Variants in ANKRD31 observed in about 807,000 individuals in gnomAD.
The protein encoded by ANKRD31 is ankyrin repeat domain-containing protein 31.
ANKRD31 carries 147 observed loss-of-function variants against 186.0 expected under a neutral mutation model. The observed-to-expected ratio is 0.79, with a 90% CI of 0.69 to 0.91. ANKRD31 has a LOEUF of 0.91. ANKRD31 is among the 40% of genes least tolerant of loss of function. The pLI, the probability that ANKRD31 is intolerant of heterozygous loss-of-function variation, is 0.00. For missense variants in ANKRD31, 1,986 were observed against 2,148.8 expected, an observed-to-expected ratio of 0.92 and a Z score of 1.50; for synonymous variants, 673 against 736.4, an observed-to-expected ratio of 0.91 and a Z score of 1.39.
At chr5:75,076,095 A>G (rs915427782) in intron 25 of ANKRD31, among the ~76,000 whole-genome samples, 1 of 152,134 alleles carries the variant, frequency 6.6e-6, no homozygotes, top group African/African-American at 2.4e-5. Flanking sequence ...TACTCATGAC[A>G]CTTTGACACC....
chr5:75,118,213 C>G lies in ANKRD31; in HGVS notation c.3961G>C (p.Glu1321Gln). 6.5e-7 allele frequency: 1 copy of G among 1,528,600 alleles called. No homozygotes were observed. The highest frequency in any genetic ancestry group is 8.7e-7 in the Non-Finnish European group (1 of 1,144,350). 94.7% of individuals were successfully genotyped at this position (1,528,600 alleles called of 1,614,324 possible). Reference sequence around the variant, plus strand: ...GATCTTAGTAATTCTTTCATTTTTTCATCATCTGCTTCATCCAAAGCACTC... The same window carrying G: ...GATCTTAGTAATTCTTTCATTTTTTGATCATCTGCTTCATCCAAAGCACTC... ...QKSALDEADD[E>Q]KMKELLRSYG... Residue 1321 changes from glutamate to glutamine, a missense_variant, in exon 18 of 26, where the codon GAA (glutamate) becomes CAA (glutamine). By Grantham distance (29) the Glu-to-Gln change is conservative. Transcript: ENST00000506364.
At chr5:75,113,690 A>G (rs1185464670) in intron 19 of ANKRD31, among the ~76,000 whole-genome samples, 7 of 152,240 alleles carry the variant, frequency 4.6e-5, no homozygotes, top group Non-Finnish European at 8.8e-5. Context: ...CCCATAAAAG[A>G]TATTTTAAAA....
At chr5:75,226,645 G>C (rs1317124640) in intron 2 of ANKRD31, among the ~76,000 whole-genome samples, 1 of 152,098 alleles carries the variant, frequency 6.6e-6, no homozygotes, top group Non-Finnish European at 1.5e-5. Context: ...ACATACAAAT[G>C]GCAAACAGAT....
intron 17 of ANKRD31, among the ~76,000 whole-genome samples, chr5:75,124,955 C>G (rs1266706309): frequency 6.6e-6 from 1 of 152,102 alleles, no homozygotes; most frequent in African/African-American, 2.4e-5. Flanking sequence ...CATTTGTACC[C>G]TTTAAATTTA....
intron 1 of ANKRD31, among the ~76,000 whole-genome samples, chr5:75,231,439 G>A (rs750847980): frequency 6.6e-6 from 1 of 152,026 alleles, no homozygotes; most frequent in Non-Finnish European, 1.5e-5. Flanking sequence ...CGTTAACAAA[G>A]AGAGAAGACA....
intron 17 of ANKRD31, among the ~76,000 whole-genome samples, chr5:75,130,059 A>G (rs1749639267): frequency 6.6e-6 from 1 of 152,078 alleles, no homozygotes; most frequent in African/African-American, 2.4e-5. Flanking sequence ...GCGTGTCCAG[A>G]GTTTGTTCCT....
intron 17 of ANKRD31, among the ~76,000 whole-genome samples, chr5:75,125,647 A>G (rs541810939): frequency 6.6e-5 from 10 of 152,308 alleles, no homozygotes; most frequent in Admixed American, 5.9e-4. Flanking sequence ...TTTAATATAC[A>G]AAAAAAGATT....
chr5:75,204,632 A>C (rs1756034118), intron 5 of ANKRD31, among the ~76,000 whole-genome samples: 1 of 152,190 alleles, frequency 6.6e-6, no homozygotes, highest in South Asian at 2.1e-4. Flanking sequence ...TAGTCTCTGC[A>C]GAAAAGTCTC....
At chr5:75,164,548 G>A (rs73131027) in intron 11 of ANKRD31, among the ~76,000 whole-genome samples, 8,261 of 152,144 alleles carry the variant, frequency 0.054, 521 homozygotes, top group African/African-American at 0.15. Context: ...CAGAGGAATT[G>A]GTAAGTGTAG....
intron 17 of ANKRD31, among the ~76,000 whole-genome samples, chr5:75,129,022 C>T (rs1390600200): frequency 6.6e-6 from 1 of 152,098 alleles, no homozygotes; most frequent in Non-Finnish European, 1.5e-5. Context: ...GAATTGTAAT[C>T]CCCAGTGTTG....
intron 2 of ANKRD31, among the ~76,000 whole-genome samples, chr5:75,224,161 G>GTATATATATATATA (rs1166396416): frequency 2.8e-5 from 1 of 36,126 alleles, no homozygotes; most frequent in Non-Finnish European, 5.1e-5. Context: ...ATATATATAT[G>GTATATATATATATA]TATATATATA....
At chr5:75,175,938 C>T (rs961472346) in intron 10 of ANKRD31, among the ~76,000 whole-genome samples, 6 of 152,170 alleles carry the variant, frequency 3.9e-5, no homozygotes, top group East Asian at 1.9e-4. Flanking sequence ...GGTGAGGCAT[C>T]GCCACACCCG....
chr5:75,118,210 T>C lies in ANKRD31; in HGVS notation c.3964A>G (p.Lys1322Glu). ...KSALDEADDE[K>E]MKELLRSYGA... ...TAAGATCTTAGTAATTCTTTCATTT[T>C]TTCATCATCTGCTTCATCCAAAGCA... The change falls in exon 18 of 26, where the codon AAA becomes GAA. Residue 1322 changes from lysine to glutamate, a missense_variant. Coordinates refer to ENST00000506364, the MANE Select transcript of ANKRD31 (RefSeq NM_001372053.1). 1 of 1,530,140 alleles carries C rather than the reference T, an allele frequency of 6.5e-7. No individual in the cohort carries two copies. Among genetic ancestry groups the C allele is most frequent in the African/African-American group, 1.4e-5 (1 of 72,846 alleles). 94.8% of individuals were successfully genotyped at this position (1,530,140 alleles called of 1,614,324 possible). A position where few individuals can be genotyped will look rare whatever the true frequency, so the allele number is the denominator to read the frequency against.
intron 3 of ANKRD31, 62 bp from the exon 4 acceptor site, chr5:75,210,927 A>G: frequency 9.0e-7 from 1 of 1,110,114 alleles, no homozygotes; most frequent in South Asian, 1.6e-5. Flanking sequence ...AACAAGCTAA[A>G]AAAATTAACA....
rs567525812 is a variant in ANKRD31, at chr5:75,146,321, T to C, written c.3090A>G (p.Leu1030=). 1.6e-5 allele frequency: 24 copies of C among 1,536,562 alleles called. No homozygotes were observed. The highest frequency in any genetic ancestry group is 7.1e-5 in the South Asian group (6 of 84,046). ...GAATATAATCCTGTGGCTTTTTGAA[T>C]AGCTCCACATGATTAGTCAACTTTG... The part of the protein sequence containing the change: ...EASKLTNHVE[L]FKKPQDYIPR... Residue 1030 remains leucine, a synonymous_variant, in exon 14 of 26, where the codon CTA becomes CTG. Transcript: ENST00000506364.
At position 75,138,014 on chromosome 5, in the gene ANKRD31, G is replaced by GC. The variant is rs1554078551; in HGVS notation, c.3734-17_3734-16insG. On this transcript the variant is annotated splice_polypyrimidine_tract_variant and intron_variant, in intron 16 of 25. Coordinates refer to ENST00000506364, the MANE Select transcript of ANKRD31 (RefSeq NM_001372053.1). ...GGTGTCCAACCTAAAAAAAGAAAAA[G>GC]AAAAAAAAAAACCCTGCTTCATGCG... 1.3e-5 allele frequency: 16 copies of GC among 1,262,862 alleles called. No individual in the cohort carries two copies. The highest frequency in any genetic ancestry group is 1.1e-4 in the East Asian group (4 of 35,128). 78.2% of individuals were successfully genotyped at this position (1,262,862 alleles called of 1,614,324 possible). A position where few individuals can be genotyped will look rare whatever the true frequency, so the allele number is the denominator to read the frequency against.
intron 17 of ANKRD31, among the ~76,000 whole-genome samples, chr5:75,132,104 C>T (rs1377272256): frequency 6.6e-6 from 1 of 152,356 alleles, no homozygotes; most frequent in East Asian, 1.9e-4. Context: ...CAGAGCGCCT[C>T]TTCTCCTCCA....
chr5:75,077,246 T>C (rs1055123113), intron 25 of ANKRD31, among the ~76,000 whole-genome samples: 4 of 152,108 alleles, frequency 2.6e-5, no homozygotes, highest in Admixed American at 2.6e-4. Context: ...TTTTTCCATT[T>C]TTAAAATAGA....
chr5:75,198,654 G>A (rs191833485), intron 6 of ANKRD31, among the ~76,000 whole-genome samples: 2 of 152,268 alleles, frequency 1.3e-5, no homozygotes, highest in East Asian at 1.9e-4. Context: ...GCTAGAGAGG[G>A]AGCAATTACT....
Sources: allele counts gnomAD v4.1 joint callset (sites outside exome capture counted in the v4.1 genomes callset), GRCh38; gene constraint gnomAD v4.1.1; transcripts MANE v1.5; gene names NCBI Gene and HGNC (gene_info 2026-07-23, HGNC 2026-07-21).